ZYG11B: variants seen among roughly 807,000 people sequenced by gnomAD.
ZYG11B encodes the protein protein zyg-11 homolog B.
Under a neutral mutation model 82.4 loss-of-function variants are expected in ZYG11B, and 36 were observed. That is an observed-to-expected ratio of 0.44 (90% CI 0.33 to 0.58). ZYG11B has a LOEUF of 0.58. Among genes scored for constraint, ZYG11B ranks in the 20% least tolerant of loss-of-function variants. The pLI is 0.02. For synonymous variants in ZYG11B, 303 were observed against 312.8 expected (o/e 0.97, Z 0.33); for missense variants, 552 against 895.6 (o/e 0.62, Z 4.90).
At chr1:52,730,254 G>C (rs928452) in intron 1 of ZYG11B, among the ~76,000 whole-genome samples, 95,765 of 152,108 alleles carry the variant, frequency 0.63, 32,155 homozygotes, top group East Asian at 0.97. Flanking sequence ...CTGGGGAAAT[G>C]ACAGATAGTA....
At chr1:52,743,059 C>T (rs1387271523) in intron 1 of ZYG11B, among the ~76,000 whole-genome samples, 3 of 151,878 alleles carry the variant, frequency 2.0e-5, no homozygotes, top group Non-Finnish European at 2.9e-5. Context: ...GGAGGTATAC[C>T]CAACAGCTCA....
At chr1:52,802,599 C>T (rs569954528) in intron 10 of ZYG11B, among the ~76,000 whole-genome samples, 40 of 151,632 alleles carry the variant, frequency 2.6e-4, no homozygotes, top group Admixed American at 4.6e-4. Flanking sequence ...AATCCTCCTA[C>T]CTCGGCCTCC....
Position 52,756,532 on chromosome 1 carries a change from A to G in ZYG11B, c.105A>G (p.Ser35=). 3 of 1,614,144 alleles carry G rather than the reference A, an allele frequency of 1.9e-6. No homozygotes were observed. Among genetic ancestry groups the G allele is most frequent in the African/African-American group, 2.7e-5 (2 of 75,036 alleles). The change falls in exon 2 of 14, where the codon TCA becomes TCG. Residue 35 remains serine (S), a synonymous_variant. Coordinates refer to ENST00000294353, the MANE Select transcript of ZYG11B (RefSeq NM_024646.3). ...CTACTCACCTTGAGAAGTTCTGTTC[A>G]GCCAGACAAGATGGAACATTGTGTC... The part of the protein sequence containing the change: ...FLTTHLEKFC[S]ARQDGTLCLQ...
rs371843069 is a variant in ZYG11B, at chr1:52,767,887, G to A, written c.197-3133G>A. Among the ~76,000 whole-genome samples, 39 of 152,236 alleles carry A rather than the reference G, an allele frequency of 2.6e-4. No individual in the cohort carries two copies. In the East Asian group the frequency reaches 4.1e-3, roughly 16 times the overall value. Reference sequence around the variant, plus strand: ...AGGGAAGCAGGTAGAGAACTTCATCGCTGCTTGATGAGTGTTGAAGTTCAG... The same window carrying A: ...AGGGAAGCAGGTAGAGAACTTCATCACTGCTTGATGAGTGTTGAAGTTCAG... On this transcript the variant is annotated intron_variant, in intron 2 of 13. Transcript: ENST00000294353.
At chr1:52,805,312 T>C (rs999443803) in intron 10 of ZYG11B, 1 of 341,628 alleles carries the variant, frequency 2.9e-6, no homozygotes, top group Non-Finnish European at 5.8e-6. Flanking sequence ...ATGCAAGCAG[T>C]GAGGAGATGG....
intron 2 of ZYG11B, among the ~76,000 whole-genome samples, 200 bp from the exon 3 acceptor site, chr1:52,770,820 T>C (rs1644743772): frequency 6.6e-6 from 1 of 152,202 alleles, no homozygotes. Flanking sequence ...TTGCTAGCCC[T>C]GTGATCTTGG....
rs1558140392 is a variant in ZYG11B, at chr1:52,803,197, TATATATACACACAC to T, written c.1695+1066_1695+1079del. On this transcript the variant is annotated intron_variant, in intron 10 of 13. Coordinates refer to ENST00000294353, the MANE Select transcript of ZYG11B (RefSeq NM_024646.3). The stretch of plus-strand genomic sequence containing the variant: ...ACATATATATATATATACACATATA[TATATATACACACAC>T]ATATATATATATACACACATATATA... Among the ~76,000 whole-genome samples the T allele has an allele frequency of 5.2e-3, 435 of 83,502 alleles. 14 individuals are homozygous for T. Among genetic ancestry groups the T allele is most frequent in the East Asian group, 0.047 (29 of 616 alleles). The allele number at this position is 83,502 out of a possible 152,430, so 54.8% of individuals were successfully genotyped here.
intron 2 of ZYG11B, among the ~76,000 whole-genome samples, chr1:52,767,893 T>A (rs1206843111): frequency 6.6e-6 from 1 of 152,150 alleles, no homozygotes; most frequent in Non-Finnish European, 1.5e-5. Flanking sequence ...CATCGCTGCT[T>A]GATGAGTGTT....
chr1:52,739,893 A>T (rs1644410130), intron 1 of ZYG11B, among the ~76,000 whole-genome samples: 2 of 152,196 alleles, frequency 1.3e-5, no homozygotes, highest in African/African-American at 4.8e-5. Flanking sequence ...GGCATGAGCC[A>T]CGCTCCTGGC....
At position 52,806,399 on chromosome 1, in the gene ZYG11B, A is replaced by G. The variant is rs186213553; in HGVS notation, c.1695+4260A>G. Among the ~76,000 whole-genome samples the G allele has an allele frequency of 6.6e-4, 101 of 152,312 alleles. 1 individual carries two copies. The highest frequency in any genetic ancestry group is 2.2e-3 in the African/African-American group (92 of 41,580). On this transcript the variant is annotated intron_variant, in intron 10 of 13. Coordinates refer to ENST00000294353, the MANE Select transcript of ZYG11B (RefSeq NM_024646.3). ...AATTTTCTGCCTACCTGTTCTATCAATTATTGACAAAGGAGTTTTGAAATC... is the reference window on the plus strand; with the variant it reads ...AATTTTCTGCCTACCTGTTCTATCAGTTATTGACAAAGGAGTTTTGAAATC...
intron 4 of ZYG11B, 133 bp downstream of exon 4, chr1:52,780,126 C>A: frequency 1.2e-6 from 1 of 821,598 alleles, no homozygotes; most frequent in African/African-American, 1.7e-5. Context: ...CGTGTGATTT[C>A]AATCATTAGC....
At chr1:52,768,683 C>T (rs1012014992) in intron 2 of ZYG11B, among the ~76,000 whole-genome samples, 4 of 151,746 alleles carry the variant, frequency 2.6e-5, no homozygotes, top group Non-Finnish European at 5.9e-5. Flanking sequence ...CAGCCTCCGC[C>T]TCCCAAGTTC....
rs531148170 is a variant in ZYG11B, at chr1:52,819,947, T to TG, written c.2045-1491dup. Reference sequence around the variant, plus strand: ...TTATTTTTTTTTTGAGACGGAGTCTTGCTGTCGTCCAGGCTAGAGTGCAGT... The same window carrying TG: ...TTATTTTTTTTTTGAGACGGAGTCTTGGCTGTCGTCCAGGCTAGAGTGCAGT... On this transcript the variant is annotated intron_variant, in intron 13 of 13. Transcript: ENST00000294353. Among the ~76,000 whole-genome samples the TG allele has an allele frequency of 3.3e-4, 50 of 151,636 alleles. 1 individual carries two copies. In the South Asian group the frequency reaches 0.01, roughly 30 times the overall value.
intron 3 of ZYG11B, among the ~76,000 whole-genome samples, chr1:52,774,582 CA>C: frequency 6.9e-6 from 1 of 145,408 alleles, no homozygotes; most frequent in Admixed American, 6.9e-5. Flanking sequence ...GCTAGGATTA[CA>C]GGCGTGAGCC....
intron 10 of ZYG11B, among the ~76,000 whole-genome samples, chr1:52,812,209 A>G (rs1271326293): frequency 6.6e-6 from 1 of 151,926 alleles, no homozygotes. Flanking sequence ...GTTATGAATC[A>G]TATTTTTCTG....
chr1:52,789,948 A>ATACCATGTTCC, intron 5 of ZYG11B, 55 bp from the exon 6 acceptor site: 1 of 1,349,508 alleles, frequency 7.4e-7, no homozygotes, highest in Non-Finnish European at 1.0e-6. Flanking sequence ...ACCATGGTTA[A>ATACCATGTTCC]AATATAACAA....
At chr1:52,796,523 G>C (rs749241384) in intron 7 of ZYG11B, 132 bp downstream of exon 7, 21 of 936,374 alleles carry the variant, frequency 2.2e-5, no homozygotes, top group Non-Finnish European at 3.1e-5. Context: ...AGCTACATTC[G>C]ATATTGCAGA....
chr1:52,734,854 G>A (rs976576092), intron 1 of ZYG11B, among the ~76,000 whole-genome samples: 2 of 151,106 alleles, frequency 1.3e-5, no homozygotes, highest in Non-Finnish European at 3.0e-5. Context: ...TCAGCCCCCC[G>A]AGTAGCTGGG....
intron 3 of ZYG11B, among the ~76,000 whole-genome samples, chr1:52,774,609 ATTTTTTTTTTTT>A (rs35043109): frequency 0.36 from 39,591 of 111,206 alleles, 6,397 homozygotes; most frequent in East Asian, 0.51. Context: ...GCCTGGCCTA[ATTTTTTTTTTTT>A]TTTTTTTTTT....
Sources: allele counts gnomAD v4.1 joint callset (sites outside exome capture counted in the v4.1 genomes callset), GRCh38; gene constraint gnomAD v4.1.1; transcripts MANE v1.5; gene names NCBI Gene and HGNC (gene_info 2026-07-23, HGNC 2026-07-21).